MIER1: variants seen among roughly 807,000 people sequenced by gnomAD.
MIER1 encodes the protein mesoderm induction early response protein 1.
In MIER1, 40 loss-of-function variants were observed where a neutral mutation model predicts 75.7. The observed-to-expected ratio is 0.53, with a 90% CI of 0.41 to 0.69. MIER1 has a LOEUF of 0.69. Ranked by LOEUF, MIER1 falls within the 30% of genes least tolerant of loss-of-function variation. The pLI is 0.00. For missense variants in MIER1, 574 were observed against 680.2 expected, an observed-to-expected ratio of 0.84 and a Z score of 1.74; for synonymous variants, 213 against 223.4, an observed-to-expected ratio of 0.95 and a Z score of 0.42.
intron 2 of MIER1, among the ~76,000 whole-genome samples, chr1:66,930,943 C>T (rs1354331770): frequency 6.6e-6 from 1 of 152,064 alleles, no homozygotes; most frequent in African/African-American, 2.4e-5. Flanking sequence ...GCAATCCAGC[C>T]CTCCAGGTTG....
intron 6 of MIER1, among the ~76,000 whole-genome samples, chr1:66,959,433 G>A (rs1278795797): frequency 6.6e-6 from 1 of 151,912 alleles, no homozygotes; most frequent in African/African-American, 2.4e-5. Context: ...TTCTAAATCA[G>A]TTTTTTCCCC....
intron 11 of MIER1, among the ~76,000 whole-genome samples, chr1:66,975,641 A>G (rs1235743324): frequency 2.6e-5 from 4 of 152,200 alleles, no homozygotes; most frequent in African/African-American, 9.7e-5. Flanking sequence ...TCTCCCGGCT[A>G]AGTAACAAAA....
At chr1:66,926,073 G>GTT in intron 1 of MIER1, 69 bp from the exon 2 acceptor site, 1 of 1,229,496 alleles carries the variant, frequency 8.1e-7, no homozygotes. Context: ...ATGCGAAACA[G>GTT]GGTGGATGGT....
chr1:66,964,121 G>C (rs1207067368), intron 8 of MIER1, among the ~76,000 whole-genome samples: 1 of 150,604 alleles, frequency 6.6e-6, no homozygotes, highest in Non-Finnish European at 1.5e-5. Flanking sequence ...GCCCAGACTG[G>C]AGTGCAATGG....
At chr1:66,983,531 C>CT (rs1252576205) in intron 13 of MIER1, among the ~76,000 whole-genome samples, 1 of 152,100 alleles carries the variant, frequency 6.6e-6, no homozygotes, top group Non-Finnish European at 1.5e-5. Flanking sequence ...CTAAAATGAA[C>CT]TTTTGTTTTC....
In MIER1 at chr1:66,988,330, CTCT is replaced by C. The variant is rs1484294040; in HGVS notation, c.*3435_*3437del. Reference sequence around the variant, plus strand: ...CAACTTTTTACCGTAAAAATTAACTCTCTTCTTTAATATCAAGTTCATCCTTTG... The same window carrying C: ...CAACTTTTTACCGTAAAAATTAACTCTCTTTAATATCAAGTTCATCCTTTG... On this transcript the variant is annotated 3_prime_UTR_variant, in exon 14 of 14. Coordinates refer to ENST00000401041, the MANE Select transcript of MIER1 (RefSeq NM_001077700.3). 3.9e-5 allele frequency: 6 copies of C among 152,300 alleles called. No individual in the cohort carries two copies. Among genetic ancestry groups the C allele is most frequent in the South Asian group, 4.1e-4 (2 of 4,828 alleles). 9.4% of individuals were successfully genotyped at this position (152,300 alleles called of 1,614,324 possible).
intron 13 of MIER1, among the ~76,000 whole-genome samples, chr1:66,982,386 C>G (rs1666076129): frequency 6.6e-6 from 1 of 152,140 alleles, no homozygotes. Context: ...AAGCCGGTAT[C>G]AACCTGTATA....
At chr1:66,978,196 C>CAAAAA (rs536021584) in intron 12 of MIER1, among the ~76,000 whole-genome samples, 1 of 91,388 alleles carries the variant, frequency 1.1e-5, no homozygotes, top group Non-Finnish European at 2.4e-5. Context: ...ACTCCATCTC[C>CAAAAA]AAAAAAAAAA....
At position 66,926,189 on chromosome 1, in the gene MIER1, T is replaced by G; in HGVS notation, c.115T>G (p.Trp39Gly). 6.2e-7 allele frequency: 1 copy of G among 1,613,930 alleles called. No homozygotes were observed. The highest frequency in any genetic ancestry group is 8.5e-7 in the Non-Finnish European group (1 of 1,179,862). The stretch of plus-strand genomic sequence containing the variant: ...CCAGTGCCTGGCTGAGTTTCGGACG[T>G]GGTTAAGAACCAACTGGTTGAGGTT... ...FSQCLAEFRTWLRTNWLRFNA... is the reference protein window; with the variant it reads ...FSQCLAEFRTGLRTNWLRFNA... Residue 39 changes from tryptophan (W) to glycine (G), a missense_variant, in exon 2 of 14, where the codon TGG becomes GGG. Around this residue, in one of 3 missense-constraint regions of MIER1, gnomAD observed 309 missense variants for 352.8 expected, o/e 0.88. Transcript: ENST00000401041.
intron 3 of MIER1, among the ~76,000 whole-genome samples, chr1:66,940,772 A>G (rs1046045292): frequency 2.0e-5 from 3 of 152,246 alleles, no homozygotes; most frequent in Non-Finnish European, 4.4e-5. Context: ...CACTGGGTAC[A>G]GTAGTTCTAC....
chr1:66,972,844 A>G, intron 10 of MIER1, 53 bp from the exon 11 acceptor site: 2 of 897,776 alleles, frequency 2.2e-6, no homozygotes, highest in South Asian at 1.5e-5. Flanking sequence ...ATTTTGTTAT[A>G]TGCAATAATT....
chr1:66,974,503 A>G (rs2101930415), intron 11 of MIER1, among the ~76,000 whole-genome samples: 1 of 152,146 alleles, frequency 6.6e-6, no homozygotes, highest in Admixed American at 6.5e-5. Context: ...ACCATGCTGA[A>G]TTACCTAAGG....
At chr1:66,939,722 A>G (rs970792060) in intron 2 of MIER1, among the ~76,000 whole-genome samples, 1 of 152,130 alleles carries the variant, frequency 6.6e-6, no homozygotes, top group African/African-American at 2.4e-5. Context: ...CTAAAATCAT[A>G]CTACTTAAAC....
At chr1:66,975,190 G>A (rs1664455910) in intron 11 of MIER1, among the ~76,000 whole-genome samples, 1 of 152,154 alleles carries the variant, frequency 6.6e-6, no homozygotes, top group African/African-American at 2.4e-5. Context: ...GGATAAAGAA[G>A]TATATTGCAT....
intron 12 of MIER1, among the ~76,000 whole-genome samples, chr1:66,978,483 T>G (rs1665210996): frequency 1.3e-5 from 2 of 152,218 alleles, no homozygotes; most frequent in African/African-American, 2.4e-5. Context: ...ATTGCAAATT[T>G]TATCTAATTG....
chr1:66,973,993 T>C (rs2101921106), intron 11 of MIER1, among the ~76,000 whole-genome samples: 1 of 152,252 alleles, frequency 6.6e-6, no homozygotes, highest in South Asian at 2.1e-4. Flanking sequence ...GTTGATTTTT[T>C]TGACACATAT....
chr1:66,959,130 T>G (rs1306754783), intron 6 of MIER1, 147 bp downstream of exon 6: 7 of 680,820 alleles, frequency 1.0e-5, no homozygotes, highest in Non-Finnish European at 7.4e-6. Context: ...GTTATTAGTT[T>G]AGCAATGCAG....
At chr1:66,974,793 A>G (rs1664372312) in intron 11 of MIER1, among the ~76,000 whole-genome samples, 2 of 152,184 alleles carry the variant, frequency 1.3e-5, no homozygotes, top group South Asian at 4.1e-4. Context: ...TACTCTAGTG[A>G]GAATATCGAG....
chr1:66,959,460 A>G (rs1418279125), intron 6 of MIER1, among the ~76,000 whole-genome samples: 1 of 152,144 alleles, frequency 6.6e-6, no homozygotes, highest in Non-Finnish European at 1.5e-5. Context: ...TTTATAGGAA[A>G]TCATTTCATG....
Sources: gnomAD v4.1 joint callset for allele counts (sites outside exome capture counted in the v4.1 genomes callset) on GRCh38, gnomAD v4.1.1 for gene constraint, gnomAD v4.1.1 regional missense constraint, MANE v1.5 for transcripts, NCBI Gene and HGNC (gene_info 2026-07-23, HGNC 2026-07-21) for gene names.